ZNF804B: variants seen among roughly 807,000 people sequenced by gnomAD.
ZNF804B encodes the protein zinc finger 804B.
A neutral mutation model predicts 101.4 loss-of-function variants in ZNF804B; 80 were observed. The observed-to-expected ratio is 0.79, with a 90% CI of 0.66 to 0.95. ZNF804B has a LOEUF of 0.95. Ranked by LOEUF, ZNF804B falls within the 40% of genes least tolerant of loss-of-function variation. ZNF804B has a pLI of 0.00. For synonymous variants in ZNF804B, 622 were observed against 558.8 expected (o/e 1.11, Z -1.59); for missense variants, 1,673 against 1,561.9 (o/e 1.07, Z -1.20).
chr7:88,856,039 G>A (rs887953989), intron 1 of ZNF804B, among the ~76,000 whole-genome samples: 3 of 152,190 alleles, frequency 2.0e-5, no homozygotes, highest in African/African-American at 7.2e-5. Context: ...CAGGTAGCAT[G>A]ATGCCTCCAG....
At chr7:89,133,648 A>C (rs1790584998) in intron 1 of ZNF804B, among the ~76,000 whole-genome samples, 1 of 152,104 alleles carries the variant, frequency 6.6e-6, no homozygotes, top group Admixed American at 6.6e-5. Context: ...CCTGGAAGAC[A>C]GTGATTGCTC....
chr7:88,891,067 G>C (rs1433171855), intron 1 of ZNF804B, among the ~76,000 whole-genome samples: 1 of 151,982 alleles, frequency 6.6e-6, no homozygotes, highest in South Asian at 2.1e-4. Context: ...GTTGTTTACT[G>C]ATATACCCCT....
intron 1 of ZNF804B, among the ~76,000 whole-genome samples, chr7:88,768,050 C>A (rs921904860): frequency 2.0e-5 from 3 of 152,140 alleles, no homozygotes; most frequent in African/African-American, 7.2e-5. Flanking sequence ...CTTATGTCTG[C>A]AAATATTCTG....
At chr7:88,798,690 G>A (rs1790530615) in intron 1 of ZNF804B, among the ~76,000 whole-genome samples, 1 of 152,066 alleles carries the variant, frequency 6.6e-6, no homozygotes. Flanking sequence ...ACTGTCAAGA[G>A]TAAGTTCTGA....
chr7:88,857,822 CTTTTTTTTTTTTTTTT>C (rs55841922), intron 1 of ZNF804B, among the ~76,000 whole-genome samples: 2 of 81,472 alleles, frequency 2.5e-5, no homozygotes, highest in African/African-American at 5.3e-5. Context: ...CCTTTCTTTT[CTTTTTTTTTTTTTTTT>C]TTTTTTTTTT....
At chr7:88,873,651 G>A (rs1583989509) in intron 1 of ZNF804B, among the ~76,000 whole-genome samples, 1 of 152,124 alleles carries the variant, frequency 6.6e-6, no homozygotes, top group African/African-American at 2.4e-5. Flanking sequence ...TTTATACAAG[G>A]TGTAAGGAAG....
intron 1 of ZNF804B, among the ~76,000 whole-genome samples, chr7:88,880,948 G>A (rs1262026524): frequency 3.9e-5 from 6 of 151,930 alleles, no homozygotes; most frequent in Non-Finnish European, 5.9e-5. Context: ...GATAATAGAA[G>A]CAAATAAACA....
chr7:88,912,740 T>C (rs1466415274), intron 1 of ZNF804B, among the ~76,000 whole-genome samples: 1 of 152,184 alleles, frequency 6.6e-6, no homozygotes, highest in Non-Finnish European at 1.5e-5. Context: ...TGTAAGTATA[T>C]TGAGAACCAA....
At chr7:89,095,995 TA>T (rs916645884) in intron 1 of ZNF804B, among the ~76,000 whole-genome samples, 10 of 147,284 alleles carry the variant, frequency 6.8e-5, no homozygotes, top group Admixed American at 1.4e-4. Context: ...ACTAAAAATA[TA>T]AAAAAAAAAT....
chr7:89,221,762 C>A (rs1012759406), intron 2 of ZNF804B, among the ~76,000 whole-genome samples: 6 of 126,586 alleles, frequency 4.7e-5, no homozygotes, highest in African/African-American at 1.8e-4. Context: ...TCTATATGCA[C>A]ACTTCCATCT....
At chr7:88,855,000 A>G (rs1226771474) in intron 1 of ZNF804B, among the ~76,000 whole-genome samples, 1 of 151,802 alleles carries the variant, frequency 6.6e-6, no homozygotes, top group African/African-American at 2.4e-5. Context: ...AATCCAGTCT[A>G]TCATGGTTGG....
At chr7:88,933,457 A>G (rs1195467883) in intron 1 of ZNF804B, among the ~76,000 whole-genome samples, 1 of 152,030 alleles carries the variant, frequency 6.6e-6, no homozygotes, top group Non-Finnish European at 1.5e-5. Context: ...AACAAGAGAA[A>G]GAAACAAAGG....
chr7:88,893,309 T>TG (rs936981656), intron 1 of ZNF804B, among the ~76,000 whole-genome samples: 1 of 152,138 alleles, frequency 6.6e-6, no homozygotes, highest in Non-Finnish European at 1.5e-5. Context: ...CTACCATTTT[T>TG]GGGACATACT....
chr7:88,772,723 A>C (rs564689586), intron 1 of ZNF804B, among the ~76,000 whole-genome samples: 3 of 152,312 alleles, frequency 2.0e-5, no homozygotes, highest in African/African-American at 7.2e-5. Context: ...GCAAGGAAAG[A>C]ACTGCAAACT....
intron 1 of ZNF804B, among the ~76,000 whole-genome samples, chr7:89,194,203 C>G (rs1246592397): frequency 6.6e-6 from 1 of 152,042 alleles, no homozygotes; most frequent in Non-Finnish European, 1.5e-5. Context: ...ATTGTAGATT[C>G]TGGATATTAG....
Position 89,334,712 on chromosome 7 carries a change from A to T in ZNF804B, c.1730A>T (p.Asn577Ile). Residue 577 changes from asparagine (N) to isoleucine (I), a missense_variant, in exon 4 of 4, where the codon AAT (asparagine) becomes ATT (isoleucine). Coordinates refer to ENST00000333190, the MANE Select transcript of ZNF804B (RefSeq NM_181646.5). The stretch of plus-strand genomic sequence containing the variant: ...AGTGCAAATGATTTGGAAATGAAAA[A>T]TCCTAAAGTGCCTCTTTACCTCAAC... ...TFSANDLEMK[N>I]PKVPLYLNTS... 1 of 1,613,740 alleles carries T rather than the reference A, an allele frequency of 6.2e-7. No homozygotes were observed. The highest frequency in any genetic ancestry group is 8.5e-7 in the Non-Finnish European group (1 of 1,179,854).
intron 2 of ZNF804B, among the ~76,000 whole-genome samples, chr7:89,298,216 GTA>G (rs1171165341): frequency 0.12 from 3,356 of 27,300 alleles, 99 homozygotes; most frequent in Non-Finnish European, 0.16. Flanking sequence ...GTGTGTGTGT[GTA>G]TATATATATA....
At chr7:89,014,493 T>G (rs939386874) in intron 1 of ZNF804B, among the ~76,000 whole-genome samples, 2 of 152,162 alleles carry the variant, frequency 1.3e-5, no homozygotes, top group African/African-American at 4.8e-5. Flanking sequence ...ATTTTTTGTA[T>G]TTTTAGTAGA....
intron 1 of ZNF804B, among the ~76,000 whole-genome samples, chr7:88,760,542 A>G (rs1789879680): frequency 6.6e-6 from 1 of 152,218 alleles, no homozygotes; most frequent in Non-Finnish European, 1.5e-5. Context: ...ATCATTGGCA[A>G]AAGGAAAGTT....
Sources: gnomAD v4.1 joint callset for allele counts (sites outside exome capture counted in the v4.1 genomes callset) on GRCh38, gnomAD v4.1.1 for gene constraint, MANE v1.5 for transcripts, NCBI Gene and HGNC (gene_info 2026-07-23, HGNC 2026-07-21) for gene names.